Variants in SNRPN observed in about 807,000 individuals in gnomAD.
SNRPN encodes small nuclear ribonucleoprotein-associated protein N.
In SNRPN, 7 loss-of-function variants were observed where a neutral mutation model predicts 25.2. The ratio of observed to expected loss-of-function variants is 0.28; its 90% CI spans 0.16 to 0.52. SNRPN has a LOEUF of 0.52. SNRPN is among the 20% of genes least tolerant of loss of function. The probability of loss-of-function intolerance (pLI) is 0.96; values close to 1 mark genes in which losing one functional copy is unlikely to be tolerated. For synonymous variants in SNRPN, 124 were observed against 110.6 expected (o/e 1.12, Z -0.76); for missense variants, 196 against 322.5 (o/e 0.61, Z 3.00).
At chr15:24,876,616 C>CAAAA (rs397943017) in intron 1 of SNRPN, among the ~76,000 whole-genome samples, 26 of 88,958 alleles carry the variant, frequency 2.9e-4, no homozygotes, top group African/African-American at 5.0e-4. Flanking sequence ...GACTCCATCT[C>CAAAA]AAAAAAAAAA....
chr15:24,842,308 G>A (rs1208628570), intron 2 of SNRPN, among the ~76,000 whole-genome samples: 1 of 152,186 alleles, frequency 6.6e-6, no homozygotes, highest in East Asian at 1.9e-4. Context: ...TCTACCCACT[G>A]CATCCTCCGC....
At chr15:24,858,078 G>A (rs1393349356) in intron 1 of SNRPN, among the ~76,000 whole-genome samples, 1 of 152,184 alleles carries the variant, frequency 6.6e-6, no homozygotes, top group Non-Finnish European at 1.5e-5. Flanking sequence ...CACTGACTGA[G>A]CTTAGGTTTC....
intron 8 of SNRPN, 91 bp from the exon 9 acceptor site, chr15:24,978,102 C>G (rs938771759): frequency 4.4e-6 from 6 of 1,367,100 alleles, no homozygotes; most frequent in African/African-American, 2.9e-5. Context: ...TCATTGTTGT[C>G]TGGCCCATTT....
In SNRPN at chr15:24,919,026, C is replaced by CAT. The variant is rs1189827025; in HGVS notation, c.-504-975_-504-974dup. Among the ~76,000 whole-genome samples the CAT allele has an allele frequency of 3.0e-5, 4 of 132,136 alleles. 1 individual carries two copies. Among genetic ancestry groups the CAT allele is most frequent in the Admixed American group, 7.7e-5 (1 of 13,022 alleles). 86.7% of individuals were successfully genotyped at this position (132,136 alleles called of 152,430 possible). On this transcript the variant is annotated intron_variant, in intron 2 of 11. Coordinates refer to the SNRPN transcript ENST00000400097. ...ATATATAACATAATATATATGTGCGCATATATATATAACATAATATATATG... is the reference window on the plus strand; with the variant it reads ...ATATATAACATAATATATATGTGCGCATATATATATATAACATAATATATATG...
chr15:24,971,734 G>A lies in SNRPN; in HGVS notation c.-143-2577G>A, dbSNP rs74939309. 7.9e-3 allele frequency among the ~76,000 whole-genome samples: 1,206 copies of A among 152,130 alleles called. 8 individuals carry two copies. The highest frequency in any genetic ancestry group is 0.027 in the African/African-American group (1,135 of 41,512). ...AAAAATTCCAACCTCTGGCATAAAT[G>A]GGTTAAAAACGGCTTTAGTGATGTA... is the stretch of plus-strand genomic sequence containing the variant. On this transcript the variant is annotated intron_variant, in intron 3 of 9. Transcript: ENST00000390687.
chr15:24,866,907 T>C (rs1251614490), intron 1 of SNRPN, among the ~76,000 whole-genome samples: 2 of 152,116 alleles, frequency 1.3e-5, no homozygotes, highest in Admixed American at 6.5e-5. Context: ...GGGGATTATA[T>C]ATATAATTTT....
exon 1 of SNRPN, chr15:24,856,666 C>T (rs1411597215): frequency 6.6e-6 from 1 of 152,204 alleles, no homozygotes; most frequent in South Asian, 2.1e-4. Context: ...CTTTTCTCTC[C>T]AGTCATTCTG....
Position 24,917,591 on chromosome 15 carries a change from G to A in SNRPN, c.-504-2420G>A, listed in dbSNP as rs145743771. 4.6e-5 allele frequency among the ~76,000 whole-genome samples: 7 copies of A among 152,274 alleles called. No individual in the cohort carries two copies. In the East Asian group the frequency reaches 9.7e-4, roughly 21 times the overall value. On this transcript the variant is annotated intron_variant, in intron 2 of 11. Coordinates refer to the SNRPN transcript ENST00000400097. ...GGTAATAACGCCATCATTTCAACGC[G>A]GCCTGGGGTATTCTGGGAAGGTGAC... is the stretch of plus-strand genomic sequence containing the variant.
intron 3 of SNRPN, among the ~76,000 whole-genome samples, chr15:24,927,548 G>A (rs71395084): frequency 1.5e-5 from 2 of 132,578 alleles, no homozygotes; most frequent in Admixed American, 1.7e-4. Context: ...GAAGGTTGCA[G>A]ACATCATGTC....
chr15:24,918,563 A>AAT (rs1394886398), intron 2 of SNRPN, among the ~76,000 whole-genome samples: 1 of 89,468 alleles, frequency 1.1e-5, no homozygotes, highest in Non-Finnish European at 2.2e-5. Context: ...TATATAACAT[A>AAT]ATATATATGT....
At chr15:24,844,688 C>G (rs766701693) in intron 2 of SNRPN, among the ~76,000 whole-genome samples, 5 of 152,022 alleles carry the variant, frequency 3.3e-5, no homozygotes, top group Non-Finnish European at 5.9e-5. Context: ...TCATGCCCGG[C>G]TAATTTTTGT....
chr15:24,883,329 G>C (rs1311384765), intron 1 of SNRPN, among the ~76,000 whole-genome samples: 1 of 152,346 alleles, frequency 6.6e-6, no homozygotes, highest in African/African-American at 2.4e-5. Flanking sequence ...TGCAGGAAAG[G>C]CACCTTGGCC....
In SNRPN at chr15:24,834,751, C is replaced by CTA. The variant is rs796257838; in HGVS notation, c.-579+4873_-579+4874dup. 2.9e-3 allele frequency among the ~76,000 whole-genome samples: 174 copies of CTA among 60,958 alleles called. 1 individual carries two copies. The highest frequency in any genetic ancestry group is 5.1e-3 in the Non-Finnish European group (155 of 30,240). 40.0% of individuals were successfully genotyped at this position (60,958 alleles called of 152,430 possible). A position where few individuals can be genotyped will look rare whatever the true frequency, so the allele number is the denominator to read the frequency against. On this transcript the variant is annotated intron_variant, in intron 2 of 12. Coordinates refer to the SNRPN transcript ENST00000400100. Reference sequence around the variant, plus strand: ...TCCCTCTCTCTCTCTCTCTCTCTCTCTATATATATATATATATATATATAT... The same window carrying CTA: ...TCCCTCTCTCTCTCTCTCTCTCTCTCTATATATATATATATATATATATATAT...
At chr15:24,874,901 A>G (rs2055698266) in intron 1 of SNRPN, among the ~76,000 whole-genome samples, 1 of 152,174 alleles carries the variant, frequency 6.6e-6, no homozygotes, top group African/African-American at 2.4e-5. Context: ...TTGTTAGTGT[A>G]TTCTGCTTAT....
chr15:24,954,910 C>T (rs951300921), upstream of SNRPN: 27 of 1,281,004 alleles, frequency 2.1e-5, no homozygotes, highest in South Asian at 1.8e-4. Context: ...CACGCCTGCG[C>T]GGCCGCAGAG....
intron 3 of SNRPN, among the ~76,000 whole-genome samples, chr15:24,945,341 T>C (rs1489483806): frequency 1.5e-5 from 1 of 66,582 alleles, no homozygotes; most frequent in African/African-American, 5.9e-5. Flanking sequence ...CCACCCACCA[T>C]GTAAAAAAAA....
intron 3 of SNRPN, among the ~76,000 whole-genome samples, chr15:24,936,962 C>A (rs149567982): frequency 6.6e-6 from 1 of 151,952 alleles, no homozygotes; most frequent in African/African-American, 2.4e-5. Context: ...GTAATAAAAC[C>A]GGCCAGGTGC....
At chr15:24,859,664 G>T (rs1485543812) in intron 1 of SNRPN, among the ~76,000 whole-genome samples, 1 of 152,204 alleles carries the variant, frequency 6.6e-6, no homozygotes, top group Non-Finnish European at 1.5e-5. Context: ...AGTCTGCAGA[G>T]TAAAGTGAAA....
chr15:24,939,132 A>AT (rs1240298525), intron 3 of SNRPN, among the ~76,000 whole-genome samples: 11 of 151,886 alleles, frequency 7.2e-5, no homozygotes, highest in African/African-American at 1.7e-4. Context: ...CTTCTGTTGC[A>AT]TTTTTTTTAG....
Sources: allele counts gnomAD v4.1 joint callset (sites outside exome capture counted in the v4.1 genomes callset), GRCh38; gene constraint gnomAD v4.1.1; transcripts MANE v1.5; gene names NCBI Gene and HGNC (gene_info 2026-07-23, HGNC 2026-07-21).